DACT3: variants seen among roughly 807,000 people sequenced by gnomAD.
The protein encoded by DACT3 is dapper homolog 3.
Under a neutral mutation model 19.6 loss-of-function variants are expected in DACT3, and 5 were observed. That is an observed-to-expected ratio of 0.26 (90% CI 0.13 to 0.54). DACT3 has a LOEUF of 0.54. DACT3 is among the 20% of genes least tolerant of loss of function. The pLI is 0.95. For missense variants in DACT3, 908 were observed against 927.4 expected (o/e 0.98, Z 0.27); for synonymous variants, 454 against 428.1 (o/e 1.06, Z -0.75).
chr19:46,660,751 GCATCCAAC>G lies in DACT3; in HGVS notation c.249+57_249+64del. The G allele has an allele frequency of 7.1e-7, 1 of 1,406,596 alleles. No homozygotes were observed. The highest frequency in any genetic ancestry group is 9.2e-7 in the Non-Finnish European group (1 of 1,083,542). 87.1% of individuals were successfully genotyped at this position (1,406,596 alleles called of 1,614,324 possible). On this transcript the variant is annotated intron_variant, in intron 1 of 3. Coordinates refer to ENST00000391916, the MANE Select transcript of DACT3 (RefSeq NM_145056.3). The surrounding 1 kb of genome is among the most constrained non-coding windows in gnomAD (Gnocchi z 4.9). ...TCCCCAACCCCCGCCCGGTGTCTGA[GCATCCAAC>G]CGAGACAGACAGACACAGACGGGGG...
At position 46,653,974 on chromosome 19, in the gene DACT3, G is replaced by C; in HGVS notation, c.250-899C>G. On this transcript the variant is annotated intron_variant, in intron 1 of 3. Transcript: ENST00000391916. ...GCAGATTGCCTCTTTCCCCCATATG[G>C]GTAAAATAGGCTGACCACGACTCAT... 3 of 985,270 alleles carry C rather than the reference G, an allele frequency of 3.0e-6. No homozygotes were observed. The South Asian group carries it at 1.4e-4, about 46-fold the overall frequency. 61.0% of individuals were successfully genotyped at this position (985,270 alleles called of 1,614,324 possible).
Position 46,660,680 on chromosome 19 carries a change from T to G in DACT3, c.249+136A>C. ...CCGGCCCGCCGCCGGAACTCCGGGG[T>G]CGCCAGCCCCACCCCCTGTCCTTTC... is the stretch of plus-strand genomic sequence containing the variant. On this transcript the variant is annotated intron_variant, in intron 1 of 3. Transcript: ENST00000391916. This position sits in a 1 kb window ranked among gnomAD's most constrained non-coding sequence, Gnocchi z 4.9. 2.2e-6 allele frequency: 3 copies of G among 1,357,602 alleles called. No homozygotes were observed. Among genetic ancestry groups the G allele is most frequent in the Non-Finnish European group, 2.8e-6 (3 of 1,058,650 alleles). The allele number at this position is 1,357,602 out of a possible 1,614,324, so 84.1% of individuals were successfully genotyped here. A position where few individuals can be genotyped will look rare whatever the true frequency, so the allele number is the denominator to read the frequency against.
chr19:46,649,494 G>T lies in DACT3; in HGVS notation c.878C>A (p.Ser293Tyr), dbSNP rs1337161924. Residue 293 changes from serine (S) to tyrosine (Y), a missense_variant, in exon 4 of 4, where the codon TCT becomes TAT. Transcript: ENST00000391916. ...GGGTCGCGCGCTGCCGGGGGACGGA[G>T]ACGCGTCGGGCGGCCGCTGGCGCAC... Reference protein sequence around the residue: ...NSVRQRPPDASPSPGSARPAR... With the variant: ...NSVRQRPPDAYPSPGSARPAR... The T allele has an allele frequency of 4.5e-6, 5 of 1,119,274 alleles. No individual in the cohort carries two copies. The East Asian group carries it at 2.5e-4, about 56-fold the overall frequency. The allele number at this position is 1,119,274 out of a possible 1,614,324, so 69.3% of individuals were successfully genotyped here.
chr19:46,653,556 T>TTTA (rs1001120849), intron 1 of DACT3, among the ~76,000 whole-genome samples: 3 of 150,432 alleles, frequency 2.0e-5, no homozygotes, highest in Non-Finnish European at 3.0e-5. Context: ...TATTTATTTA[T>TTTA]TTATTTATTT....
rs555246166 is a variant in DACT3, at chr19:46,656,493, A to G, written c.250-3418T>C. 7.2e-4 allele frequency among the ~76,000 whole-genome samples: 109 copies of G among 152,152 alleles called. 3 individuals carry two copies. The South Asian group carries it at 0.022, about 31-fold the overall frequency. ...CTCCCAAGTAGCTGGGACTACAGGC[A>G]CATGCCACCACACCCCCGCTAATCT... is the stretch of plus-strand genomic sequence containing the variant. On this transcript the variant is annotated intron_variant, in intron 1 of 3. Coordinates refer to ENST00000391916, the MANE Select transcript of DACT3 (RefSeq NM_145056.3).
intron 1 of DACT3, among the ~76,000 whole-genome samples, chr19:46,658,625 A>G (rs1028255285): frequency 6.6e-6 from 1 of 152,112 alleles, no homozygotes; most frequent in Non-Finnish European, 1.5e-5. Context: ...TTGCAAAAGG[A>G]TGAATCTTTA....
rs1167673360 is a variant in DACT3, at chr19:46,648,964, C to T, written c.1408G>A (p.Ala470Thr). The change falls in exon 4 of 4, where the codon GCA (alanine) becomes ACA (threonine). Residue 470 changes from alanine (A) to threonine (T), a missense_variant. Transcript: ENST00000391916. This position sits in a 1 kb window ranked among gnomAD's most constrained non-coding sequence, Gnocchi z 5.1. ...GAGCGCCAGCGACGGCAGGACCCTG[C>T]GGCCTGGGCCGCCAGCGTGGGCGCT... ...GPAPTLAAQAAGSCRRWRSTA... is the reference protein window; with the variant it reads ...GPAPTLAAQATGSCRRWRSTA... 1 of 1,296,200 alleles carries T rather than the reference C, an allele frequency of 7.7e-7. No individual in the cohort carries two copies. Among genetic ancestry groups the T allele is most frequent in the South Asian group, 2.3e-5 (1 of 44,268 alleles). The allele number at this position is 1,296,200 out of a possible 1,614,324, so 80.3% of individuals were successfully genotyped here. A position where few individuals can be genotyped will look rare whatever the true frequency, so the allele number is the denominator to read the frequency against.
rs980735397 is a variant in DACT3, at chr19:46,655,925, C to CTCTCTCTCTCTCTATATA, written c.250-2851_250-2850insTATATAGAGAGAGAGAGA. ...AGTCTCTCTCTCTCTCTCTCTCTCT[C>CTCTCTCTCTCTCTATATA]TATATATATATATATATATATACAC... On this transcript the variant is annotated intron_variant, in intron 1 of 3. Coordinates refer to ENST00000391916, the MANE Select transcript of DACT3 (RefSeq NM_145056.3). Among the ~76,000 whole-genome samples the CTCTCTCTCTCTCTATATA allele has an allele frequency of 3.6e-5, 5 of 137,936 alleles. No homozygotes were observed. In the South Asian group the frequency reaches 1.2e-3, roughly 33 times the overall value. 90.5% of individuals were successfully genotyped at this position (137,936 alleles called of 152,430 possible).
rs1332220328 is a variant in DACT3 at position 46,649,772 on chromosome 19, C to T, written c.600G>A (p.Pro200=). 1.6e-5 allele frequency: 21 copies of T among 1,323,358 alleles called. No individual in the cohort carries two copies. Among genetic ancestry groups the T allele is most frequent in the Non-Finnish European group, 1.9e-5 (20 of 1,040,568 alleles). 82.0% of individuals were successfully genotyped at this position (1,323,358 alleles called of 1,614,324 possible). ...PYPTAGGSAG[P]EACSSAERRA... ...GCCGCTCCGCCGAGGAGCAGGCCTCCGGGCCGGCGGACCCCCCTGCCGTCG... is the reference window on the plus strand; with the variant it reads ...GCCGCTCCGCCGAGGAGCAGGCCTCTGGGCCGGCGGACCCCCCTGCCGTCG... Residue 200 remains proline (P), a synonymous_variant, in exon 4 of 4, where the codon CCG becomes CCA. Coordinates refer to ENST00000391916, the MANE Select transcript of DACT3 (RefSeq NM_145056.3).
chr19:46,649,579 C>T lies in DACT3; in HGVS notation c.793G>A (p.Ala265Thr), dbSNP rs2122440116. The change falls in exon 4 of 4, where the codon GCG becomes ACG. Residue 265 changes from alanine to threonine, a missense_variant. Ala to Thr is a moderately conservative substitution (Grantham distance 58, BLOSUM62 0). Transcript: ENST00000391916. Reference sequence around the variant, plus strand: ...CCGGGACTGGTCCGGGGCTGGCCCGCCCCCCGGCGGCGGCGCCTGCGCAGG... The same window carrying T: ...CCGGGACTGGTCCGGGGCTGGCCCGTCCCCCGGCGGCGGCGCCTGCGCAGG... ...ALLRRRRRRG[A>T]GQPRTSPGGA... 2.8e-6 allele frequency: 3 copies of T among 1,086,122 alleles called. No homozygotes were observed. The highest frequency in any genetic ancestry group is 7.6e-5 in the East Asian group (1 of 13,086). 67.3% of individuals were successfully genotyped at this position (1,086,122 alleles called of 1,614,324 possible).
rs553626083 is a variant in DACT3, at chr19:46,659,255, C to A, written c.249+1561G>T. 1.2e-5 allele frequency: 12 copies of A among 984,502 alleles called. No individual in the cohort carries two copies. In the South Asian group the frequency reaches 5.7e-4, roughly 46 times the overall value. The allele number at this position is 984,502 out of a possible 1,614,324, so 61.0% of individuals were successfully genotyped here. A position where few individuals can be genotyped will look rare whatever the true frequency, so the allele number is the denominator to read the frequency against. On this transcript the variant is annotated intron_variant, in intron 1 of 3. Transcript: ENST00000391916. ...AGAGACTGGGGGGTGGGGGGACAGG[C>A]CTCTCCACTATCAGCTCGTGCCGGG...
At chr19:46,652,502 A>G in intron 3 of DACT3, 158 bp downstream of exon 3, 2 of 846,796 alleles carry the variant, frequency 2.4e-6, no homozygotes, top group Non-Finnish European at 3.5e-6. Flanking sequence ...ACAGATGGAA[A>G]AACAGAGACC....
Position 46,649,366 on chromosome 19 carries a change from G to T in DACT3, c.1006C>A (p.Pro336Thr). The T allele has an allele frequency of 3.2e-6, 4 of 1,264,690 alleles. No homozygotes were observed. The highest frequency in any genetic ancestry group is 4.0e-6 in the Non-Finnish European group (4 of 999,466). The allele number at this position is 1,264,690 out of a possible 1,614,324, so 78.3% of individuals were successfully genotyped here. A position where few individuals can be genotyped will look rare whatever the true frequency, so the allele number is the denominator to read the frequency against. The change falls in exon 4 of 4, where the codon CCC becomes ACC. Residue 336 changes from proline (P) to threonine (T), a missense_variant. Around this residue, in one of 2 missense-constraint regions of DACT3, gnomAD observed 656 missense variants for 601.8 expected, o/e 1.09. Coordinates refer to ENST00000391916, the MANE Select transcript of DACT3 (RefSeq NM_145056.3). ...SSWESEAAPE[P>T]AAPPAAPSPP... Reference sequence around the variant, plus strand: ...GAGGGGGCGGCGGGCGGCGCAGCGGGCTCGGGTGCCGCCTCCGACTCCCAC... The same window carrying T: ...GAGGGGGCGGCGGGCGGCGCAGCGGTCTCGGGTGCCGCCTCCGACTCCCAC...
At position 46,649,603 on chromosome 19, in the gene DACT3, G is replaced by T; in HGVS notation, c.769C>A (p.Leu257Met). 8.9e-7 allele frequency: 1 copy of T among 1,126,776 alleles called. No individual in the cohort carries two copies. Among genetic ancestry groups the T allele is most frequent in the African/African-American group, 1.7e-5 (1 of 59,714 alleles). 69.8% of individuals were successfully genotyped at this position (1,126,776 alleles called of 1,614,324 possible). ...GCCCCCCGGCGGCGGCGCCTGCGCA[G>T]GAGCGCCGAGATGTAGCCGTCCAGG... ...RPLDGYISALLRRRRRRGAGQ... is the reference protein window; with the variant it reads ...RPLDGYISALMRRRRRRGAGQ... The change falls in exon 4 of 4, where the codon CTG (leucine) becomes ATG (methionine). Residue 257 changes from leucine (L) to methionine (M), a missense_variant. This residue lies in a region of DACT3 where 656 missense variants were observed against 601.8 expected (regional missense o/e 1.09). Coordinates refer to ENST00000391916, the MANE Select transcript of DACT3 (RefSeq NM_145056.3).
At chr19:46,659,488 G>C (rs569294953) in intron 1 of DACT3, 1 of 985,080 alleles carries the variant, frequency 1.0e-6, no homozygotes, top group Non-Finnish European at 1.2e-6. Flanking sequence ...AGCTTGGGGT[G>C]GGGGGAGCTA....
In DACT3 at chr19:46,648,738, T is replaced by C. The variant is rs766728501; in HGVS notation, c.1634A>G (p.Tyr545Cys). 3.1e-6 allele frequency: 5 copies of C among 1,594,018 alleles called. No homozygotes were observed. In the South Asian group the frequency reaches 5.5e-5, roughly 18 times the overall value. The change falls in exon 4 of 4, where the codon TAC becomes TGC. Residue 545 changes from tyrosine (Y) to cysteine (C), a missense_variant. Around this residue, in one of 2 missense-constraint regions of DACT3, gnomAD observed 656 missense variants for 601.8 expected, o/e 1.09. Transcript: ENST00000391916. This position sits in a 1 kb window ranked among gnomAD's most constrained non-coding sequence, Gnocchi z 5.1. ...RGPAGGVGGG[Y>C]GESESSASEG... ...GCTGGCGCTCGATTCGCTCTCCCCG[T>C]AACCCCCGCCGACGCCTCCCGCAGG...
Position 46,649,546 on chromosome 19 carries a change from C to T in DACT3, c.826G>A (p.Asp276Asn). The T allele has an allele frequency of 9.6e-7, 1 of 1,045,082 alleles. No individual in the cohort carries two copies. Among genetic ancestry groups the T allele is most frequent in the Non-Finnish European group, 1.1e-6 (1 of 871,480 alleles). 64.7% of individuals were successfully genotyped at this position (1,045,082 alleles called of 1,614,324 possible). A position where few individuals can be genotyped will look rare whatever the true frequency, so the allele number is the denominator to read the frequency against. Residue 276 changes from aspartate (D) to asparagine (N), a missense_variant, in exon 4 of 4, where the codon GAC (aspartate) becomes AAC (asparagine). Transcript: ENST00000391916. ...GQPRTSPGGADGGPRRQNSVR... is the reference protein window; with the variant it reads ...GQPRTSPGGANGGPRRQNSVR... ...CTGTTCTGGCGCCGCGGGCCGCCGT[C>T]CGCGCCCCCGGGACTGGTCCGGGGC... is the stretch of plus-strand genomic sequence containing the variant.
In DACT3 at chr19:46,649,622, GT is replaced by G; in HGVS notation, c.749del (p.Asp250AlafsTer71). 1 of 1,130,094 alleles carries G rather than the reference GT, an allele frequency of 8.8e-7. No individual in the cohort carries two copies. The highest frequency in any genetic ancestry group is 3.4e-5 in the South Asian group (1 of 29,214). 70.0% of individuals were successfully genotyped at this position (1,130,094 alleles called of 1,614,324 possible). A position where few individuals can be genotyped will look rare whatever the true frequency, so the allele number is the denominator to read the frequency against. On this transcript the variant is annotated frameshift_variant, in exon 4 of 4. Coordinates refer to ENST00000391916, the MANE Select transcript of DACT3 (RefSeq NM_145056.3). LOFTEE classifies it low-confidence loss of function (END_TRUNC). ...PDAGGAGRPLDGYISALLRRR... is the reference protein window; with the variant it reads ...PDAGGAGRPLXGYISALLRRR... ...TGCGCAGGAGCGCCGAGATGTAGCC[GT>G]CCAGGGGCCGCCCTGCGCCCCCCGC...
At chr19:46,655,925 CTA>C (rs557971018) in intron 1 of DACT3, among the ~76,000 whole-genome samples, 69,269 of 136,854 alleles carry the variant, frequency 0.51, 19,431 homozygotes, top group Non-Finnish European at 0.65. Context: ...CTCTCTCTCT[CTA>C]TATATATATA....
Sources: gnomAD v4.1 joint callset for allele counts (sites outside exome capture counted in the v4.1 genomes callset) on GRCh38, gnomAD v4.1.1 for gene constraint, gnomAD v4.1.1 regional missense constraint, Gnocchi (gnomAD v3.1) non-coding constraint, MANE v1.5 for transcripts, NCBI Gene and HGNC (gene_info 2026-07-23, HGNC 2026-07-21) for gene names.